ABCB1: variants seen among roughly 807,000 people sequenced by gnomAD.
ABCB1 encodes ATP-dependent translocase ABCB1.
In ABCB1, 69 loss-of-function variants were observed where a neutral mutation model predicts 142.0. The observed-to-expected ratio is 0.49, with a 90% CI of 0.40 to 0.59. The LOEUF is 0.59. Among genes scored for constraint, ABCB1 ranks in the 20% least tolerant of loss-of-function variants. The pLI is 0.00. For synonymous variants in ABCB1, 532 were observed against 539.2 expected (o/e 0.99, Z 0.18); for missense variants, 1,326 against 1,554.7 (o/e 0.85, Z 2.47).
chr7:87,674,066 T>C (rs886728098), intron 1 of ABCB1, among the ~76,000 whole-genome samples: 2 of 152,142 alleles, frequency 1.3e-5, no homozygotes, highest in Non-Finnish European at 1.5e-5. Flanking sequence ...CCCTCAAGGT[T>C]AGGAAGCTGC....
intron 1 of ABCB1, among the ~76,000 whole-genome samples, chr7:87,684,746 C>CAAAAAAAAAAAAAAAAAAAAAAAA (rs71524694): frequency 7.9e-5 from 3 of 37,786 alleles, no homozygotes; most frequent in African/African-American, 1.8e-4. Flanking sequence ...GACTCCGTCT[C>CAAAAAAAAAAAAAAAAAAAAAAAA]AAAAAAAAAA....
Position 87,534,457 on chromosome 7 carries a change from A to G in ABCB1, c.2481+2001T>C, listed in dbSNP as rs540407493. On this transcript the variant is annotated intron_variant, in intron 20 of 27. Coordinates refer to ENST00000622132, the MANE Select transcript of ABCB1 (RefSeq NM_001348946.2). ...AAGCATAGTAAAACTTATTTAGTAA[A>G]CCAATTATAAAAAAGGTTTACTAAA... Among the ~76,000 whole-genome samples, 6 of 152,276 alleles carry G rather than the reference A, an allele frequency of 3.9e-5. No homozygotes were observed. In the East Asian group the frequency reaches 1.2e-3, roughly 29 times the overall value.
intron 19 of ABCB1, 33 bp from the exon 20 acceptor site, chr7:87,536,574 A>T (rs1212589067): frequency 6.2e-7 from 1 of 1,607,130 alleles, no homozygotes; most frequent in Non-Finnish European, 8.5e-7. Context: ...ATTACCTTAA[A>T]GCTGTTTATG....
intron 20 of ABCB1, among the ~76,000 whole-genome samples, chr7:87,534,802 C>G (rs1816206726): frequency 6.6e-6 from 1 of 151,070 alleles, no homozygotes; most frequent in African/African-American, 2.4e-5. Flanking sequence ...GTGGTCCCAG[C>G]TACCAGGAAG....
At chr7:87,516,402 A>C (rs1318359683) in intron 24 of ABCB1, 107 bp downstream of exon 24, 1 of 1,435,804 alleles carries the variant, frequency 7.0e-7, no homozygotes, top group Non-Finnish European at 9.8e-7. Flanking sequence ...AGGAAGTTTT[A>C]TTTTATCATC....
At chr7:87,519,708 T>C (rs1815408930) in intron 22 of ABCB1, among the ~76,000 whole-genome samples, 1 of 152,206 alleles carries the variant, frequency 6.6e-6, no homozygotes, top group South Asian at 2.1e-4. Flanking sequence ...AAAGTGTTGA[T>C]GTAAAGAGAA....
At chr7:87,565,767 T>G (rs1817759949) in intron 7 of ABCB1, among the ~76,000 whole-genome samples, 1 of 152,070 alleles carries the variant, frequency 6.6e-6, no homozygotes, top group South Asian at 2.1e-4. Flanking sequence ...TTTTTTTGTT[T>G]TGTTTTTGTT....
chr7:87,681,783 G>A (rs1218735178), intron 1 of ABCB1, among the ~76,000 whole-genome samples: 1 of 137,986 alleles, frequency 7.2e-6, no homozygotes, highest in Admixed American at 7.4e-5. Context: ...AGCCAAGGCA[G>A]GAGGATCACT....
rs530989070 is a variant in ABCB1 at position 87,638,982 on chromosome 7, C to G, written c.-330-37904G>C. 4.6e-5 allele frequency among the ~76,000 whole-genome samples: 7 copies of G among 152,092 alleles called. No homozygotes were observed. In the South Asian group the frequency reaches 1.4e-3, roughly 32 times the overall value. On this transcript the variant is annotated intron_variant, in intron 1 of 28. Transcript: ENST00000265724. ...CCTGGCTAACACGGTGAAACCCCGTCTCTACTAAAAATACAAAAAATTAGC... is the reference window on the plus strand; with the variant it reads ...CCTGGCTAACACGGTGAAACCCCGTGTCTACTAAAAATACAAAAAATTAGC...
intron 3 of ABCB1, among the ~76,000 whole-genome samples, 180 bp downstream of exon 3, chr7:87,595,586 A>G (rs1353683933): frequency 6.6e-6 from 1 of 152,124 alleles, no homozygotes; most frequent in Non-Finnish European, 1.5e-5. Context: ...GATTAGTAAT[A>G]TAGATAGCAA....
At chr7:87,599,537 A>G (rs546752133) in intron 2 of ABCB1, among the ~76,000 whole-genome samples, 2 of 152,158 alleles carry the variant, frequency 1.3e-5, no homozygotes, top group Non-Finnish European at 2.9e-5. Context: ...ACAGAAACAC[A>G]TATGAGCATC....
chr7:87,561,342 C>A lies in ABCB1; in HGVS notation c.748G>T (p.Ala250Ser). The change falls in exon 8 of 28, where the codon GCT (alanine) becomes TCT (serine). Residue 250 changes from alanine to serine, a missense_variant. By Grantham distance (99) the Ala-to-Ser change is moderately conservative (BLOSUM62 1). Transcript: ENST00000622132. Reference protein sequence around the residue: ...TDKELLAYAKAGAVAEEVLAA... With the variant: ...TDKELLAYAKSGAVAEEVLAA... ...AAGACCTCTTCAGCTACTGCTCCAG[C>A]TTTTGCATACGCTAAGAGTTCTTTA... 6.2e-7 allele frequency: 1 copy of A among 1,613,840 alleles called. No homozygotes were observed. Among genetic ancestry groups the A allele is most frequent in the Non-Finnish European group, 8.5e-7 (1 of 1,179,812 alleles).
chr7:87,634,031 A>G (rs1216611905), intron 1 of ABCB1, among the ~76,000 whole-genome samples: 1 of 152,144 alleles, frequency 6.6e-6, no homozygotes, highest in East Asian at 1.9e-4. Context: ...AAGGGGAAGC[A>G]GGCAGGTGTG....
chr7:87,660,161 C>A (rs182480682), intron 1 of ABCB1, among the ~76,000 whole-genome samples: 1 of 151,764 alleles, frequency 6.6e-6, no homozygotes, highest in Non-Finnish European at 1.5e-5. Flanking sequence ...GAGAATTTTG[C>A]GTAAGTTTGG....
At chr7:87,586,718 C>G (rs1200660863) in intron 3 of ABCB1, among the ~76,000 whole-genome samples, 1 of 152,138 alleles carries the variant, frequency 6.6e-6, no homozygotes, top group Non-Finnish European at 1.5e-5. Context: ...GGATAGAAAC[C>G]AATCCTAGAG....
intron 1 of ABCB1, among the ~76,000 whole-genome samples, chr7:87,626,100 T>TATC (rs1563079546): frequency 2.2e-5 from 2 of 90,902 alleles, no homozygotes; most frequent in African/African-American, 1.2e-4. Flanking sequence ...ATATATATAT[T>TATC]GTCATATATA....
intron 1 of ABCB1, among the ~76,000 whole-genome samples, chr7:87,689,639 G>T (rs1183351827): frequency 6.6e-6 from 1 of 152,036 alleles, no homozygotes; most frequent in Non-Finnish European, 1.5e-5. Context: ...TTATAGAAGA[G>T]GGGAAAGATT....
At chr7:87,576,464 T>C (rs1178155316) in intron 4 of ABCB1, among the ~76,000 whole-genome samples, 1 of 149,666 alleles carries the variant, frequency 6.7e-6, no homozygotes, top group African/African-American at 2.4e-5. Context: ...TAAGTATATA[T>C]AGATACTTTT....
chr7:87,536,438 A>G lies in ABCB1; in HGVS notation c.2481+20T>C, dbSNP rs200422791. ...AAAATGGCCAATTAAGACAAACACC[A>G]GTAGAAAGGAGGCACGTACCCCTTT... On this transcript the variant is annotated intron_variant, in intron 20 of 27. Transcript: ENST00000622132. 1.2e-6 allele frequency: 2 copies of G among 1,613,354 alleles called. No homozygotes were observed. The highest frequency in any genetic ancestry group is 1.7e-6 in the Non-Finnish European group (2 of 1,179,318).
Sources: gnomAD v4.1 joint callset for allele counts (sites outside exome capture counted in the v4.1 genomes callset) on GRCh38, gnomAD v4.1.1 for gene constraint, MANE v1.5 for transcripts, NCBI Gene and HGNC (gene_info 2026-07-23, HGNC 2026-07-21) for gene names.